Variants in MAP4 observed in about 807,000 individuals in gnomAD.
MAP4 encodes microtubule-associated protein 4.
A neutral mutation model predicts 170.2 loss-of-function variants in MAP4; 76 were observed. The ratio of observed to expected loss-of-function variants is 0.45; its 90% confidence interval spans 0.37 to 0.54. The LOEUF is 0.54. Among genes scored for constraint, MAP4 ranks in the 20% least tolerant of loss-of-function variants. The probability of loss-of-function intolerance (pLI) is 0.00; values close to 1 mark genes in which losing one functional copy is unlikely to be tolerated. For missense variants in MAP4, 2,506 were observed against 2,748.0 expected (o/e 0.91, Z 1.97); for synonymous variants, 909 against 994.5 (o/e 0.91, Z 1.62).
intron 1 of MAP4, among the ~76,000 whole-genome samples, chr3:48,052,929 T>C (rs1160791608): frequency 6.6e-6 from 1 of 152,222 alleles, no homozygotes; most frequent in Admixed American, 6.5e-5. Context: ...AATTTATGTC[T>C]AAGAACACAT....
intron 1 of MAP4, among the ~76,000 whole-genome samples, chr3:48,045,863 C>A (rs1393292982): frequency 6.6e-6 from 1 of 152,172 alleles, no homozygotes; most frequent in Non-Finnish European, 1.5e-5. Flanking sequence ...TTTTCTATGC[C>A]TTAGCCAATT....
intron 1 of MAP4, among the ~76,000 whole-genome samples, chr3:48,069,615 T>G (rs2100140006): frequency 6.6e-6 from 1 of 152,202 alleles, no homozygotes; most frequent in Non-Finnish European, 1.5e-5. Flanking sequence ...CTGAAGCATC[T>G]CAGCAAGTCT....
intron 3 of MAP4, among the ~76,000 whole-genome samples, chr3:47,950,100 G>A (rs561837271): frequency 2.0e-4 from 30 of 152,254 alleles, no homozygotes; most frequent in Middle Eastern, 3.4e-3. Flanking sequence ...CTCCGCCTTG[G>A]GTAGGCTCTC....
intron 1 of MAP4, among the ~76,000 whole-genome samples, chr3:48,037,528 G>A (rs1367328725): frequency 6.6e-6 from 1 of 151,988 alleles, no homozygotes; most frequent in Admixed American, 6.6e-5. Flanking sequence ...CCAAGTAGCT[G>A]GAACTCCAAG....
chr3:48,046,356 TCA>T (rs1245496011), intron 1 of MAP4, among the ~76,000 whole-genome samples: 6 of 152,224 alleles, frequency 3.9e-5, no homozygotes, highest in Admixed American at 2.0e-4. Context: ...ATACGATTAT[TCA>T]CAGTTAATAT....
chr3:47,887,411 C>A (rs1265771815), intron 10 of MAP4, among the ~76,000 whole-genome samples: 2 of 152,194 alleles, frequency 1.3e-5, no homozygotes, highest in African/African-American at 2.4e-5. Context: ...GTGCTGCGCT[C>A]GATTTCTCAC....
At chr3:48,044,623 G>A in intron 1 of MAP4, among the ~76,000 whole-genome samples, 1 of 151,844 alleles carries the variant, frequency 6.6e-6, no homozygotes, top group Non-Finnish European at 1.5e-5. Context: ...ATTAGCCAGG[G>A]GTAGTGGCAC....
At chr3:47,921,915 G>A in intron 4 of MAP4, 37 bp from the exon 5 acceptor site, 1 of 866,762 alleles carries the variant, frequency 1.2e-6, no homozygotes, top group Non-Finnish European at 2.0e-6. Flanking sequence ...CATTCCTGGT[G>A]AATGCAACTA....
chr3:48,069,187 A>G (rs1579776833), intron 1 of MAP4, among the ~76,000 whole-genome samples: 1 of 152,234 alleles, frequency 6.6e-6, no homozygotes, highest in Admixed American at 6.5e-5. Context: ...TTTGCCATCT[A>G]TATAACCCAA....
At chr3:48,078,426 G>A (rs2100144982) in intron 1 of MAP4, among the ~76,000 whole-genome samples, 1 of 151,490 alleles carries the variant, frequency 6.6e-6, no homozygotes, top group African/African-American at 2.4e-5. Context: ...CAAACTGCTG[G>A]GATTACAGGC....
At chr3:47,975,527 C>G in intron 3 of MAP4, 2 of 1,108,070 alleles carry the variant, frequency 1.8e-6, no homozygotes, top group Non-Finnish European at 2.7e-6. Context: ...GGTGGAAAAG[C>G]ACAGGTCATT....
intron 3 of MAP4, among the ~76,000 whole-genome samples, chr3:47,948,787 AT>A (rs1654139766): frequency 6.6e-6 from 1 of 151,448 alleles, no homozygotes; most frequent in African/African-American, 2.4e-5. Flanking sequence ...TACCCAACTA[AT>A]TTTTTTGTAT....
intron 17 of MAP4, among the ~76,000 whole-genome samples, chr3:47,863,099 C>T (rs2070966473): frequency 6.6e-6 from 1 of 152,066 alleles, no homozygotes; most frequent in Admixed American, 6.6e-5. Flanking sequence ...GCTTCAGCCT[C>T]CAGAGTAGCT....
intron 1 of MAP4, among the ~76,000 whole-genome samples, chr3:48,062,501 A>AAAT (rs1249592801): frequency 1.3e-5 from 2 of 150,182 alleles, no homozygotes; most frequent in African/African-American, 4.9e-5. Flanking sequence ...CAATAAAAAA[A>AAAT]AAAAAAAAAA....
intron 1 of MAP4, among the ~76,000 whole-genome samples, chr3:48,006,684 A>T (rs2100102509): frequency 6.6e-6 from 1 of 152,250 alleles, no homozygotes; most frequent in Admixed American, 6.5e-5. Context: ...GAAGGTATGC[A>T]GAGATCAGTG....
chr3:47,976,848 T>C (rs1381150143), intron 3 of MAP4, among the ~76,000 whole-genome samples: 4 of 152,232 alleles, frequency 2.6e-5, no homozygotes, highest in African/African-American at 4.8e-5. Flanking sequence ...TATAAAGATA[T>C]ATACAACTTT....
chr3:47,904,364 G>T (rs547369453), intron 9 of MAP4, among the ~76,000 whole-genome samples: 1 of 152,162 alleles, frequency 6.6e-6, no homozygotes, highest in South Asian at 2.1e-4. Context: ...CTCCCAGGCT[G>T]GAGTGCAGTG....
At position 47,855,400 on chromosome 3, in the gene MAP4, G is replaced by T; in HGVS notation, c.6584-40C>A. On this transcript the variant is annotated intron_variant, in intron 18 of 20. Coordinates refer to ENST00000683076, the MANE Select transcript of MAP4 (RefSeq NM_001385682.1). This position sits in a 1 kb window ranked among gnomAD's most constrained non-coding sequence, Gnocchi z 5.1. ...GAACTGGTCACCTAGGGTGGCAGAG[G>T]AATATCCCTGCAGGCAAAACCAGGA... is the stretch of plus-strand genomic sequence containing the variant. 1 of 1,254,418 alleles carries T rather than the reference G, an allele frequency of 8.0e-7. No homozygotes were observed. The highest frequency in any genetic ancestry group is 1.2e-6 in the Non-Finnish European group (1 of 851,544). 77.7% of individuals were successfully genotyped at this position (1,254,418 alleles called of 1,614,324 possible). A position where few individuals can be genotyped will look rare whatever the true frequency, so the allele number is the denominator to read the frequency against.
At chr3:48,058,827 TGGAGTGCAATG>T (rs1211020403) in intron 1 of MAP4, among the ~76,000 whole-genome samples, 4 of 152,218 alleles carry the variant, frequency 2.6e-5, no homozygotes, top group Non-Finnish European at 5.9e-5. Context: ...TCGCCCAGGC[TGGAGTGCAATG>T]GCACTATCTC....
Sources: gnomAD v4.1 joint callset for allele counts (sites outside exome capture counted in the v4.1 genomes callset) on GRCh38, gnomAD v4.1.1 for gene constraint, Gnocchi (gnomAD v3.1) non-coding constraint, MANE v1.5 for transcripts, NCBI Gene and HGNC (gene_info 2026-07-23, HGNC 2026-07-21) for gene names.